Variants in SCAPER observed in about 807,000 individuals in gnomAD.
The protein encoded by SCAPER is S-phase cyclin A associated protein in the ER.
In SCAPER, 98 loss-of-function variants were observed where a neutral mutation model predicts 182.2. The ratio of observed to expected loss-of-function variants is 0.54; its 90% CI spans 0.46 to 0.64. The LOEUF (loss-of-function observed/expected upper bound fraction) is 0.64, where lower values mean the gene tolerates loss of function less well. Ranked by LOEUF, SCAPER falls within the 30% of genes least tolerant of loss-of-function variation. SCAPER has a pLI of 0.00. For synonymous variants in SCAPER, 605 were observed against 564.6 expected, an observed-to-expected ratio of 1.07 and a Z score of -1.01; for missense variants, 1,432 against 1,690.0, an observed-to-expected ratio of 0.85 and a Z score of 2.68.
chr15:76,422,179 G>A (rs2142356809), intron 26 of SCAPER, among the ~76,000 whole-genome samples: 1 of 152,138 alleles, frequency 6.6e-6, no homozygotes, highest in East Asian at 1.9e-4. Context: ...GCTTGATGGG[G>A]ATGGCATTGA....
chr15:76,782,126 T>C (rs1013827293), intron 8 of SCAPER, among the ~76,000 whole-genome samples: 7 of 152,118 alleles, frequency 4.6e-5, no homozygotes, highest in Admixed American at 1.3e-4. Flanking sequence ...ATCAGTGTGC[T>C]GTATGCAGGA....
intron 20 of SCAPER, among the ~76,000 whole-genome samples, chr15:76,701,114 A>C (rs922194239): frequency 1.3e-5 from 2 of 151,064 alleles, no homozygotes; most frequent in Admixed American, 1.3e-4. Flanking sequence ...AAAAAAGTTC[A>C]ATATACACAT....
intron 15 of SCAPER, among the ~76,000 whole-genome samples, chr15:76,742,288 T>C (rs1329405995): frequency 6.6e-6 from 1 of 151,558 alleles, no homozygotes; most frequent in Non-Finnish European, 1.5e-5. Context: ...TTTGGGGATT[T>C]ACAAAAGTAC....
chr15:76,414,356 T>C (rs2045506810), intron 26 of SCAPER, among the ~76,000 whole-genome samples: 1 of 151,974 alleles, frequency 6.6e-6, no homozygotes, highest in Non-Finnish European at 1.5e-5. Flanking sequence ...ACCGTTCAAA[T>C]AGCTCAGAAA....
At chr15:76,522,029 G>A (rs2042874677) in intron 23 of SCAPER, among the ~76,000 whole-genome samples, 1 of 152,064 alleles carries the variant, frequency 6.6e-6, no homozygotes, top group African/African-American at 2.4e-5. Flanking sequence ...AGAATGCTTT[G>A]TGCCCGCAAG....
At chr15:76,470,245 C>T (rs755392111) in intron 25 of SCAPER, among the ~76,000 whole-genome samples, 1 of 152,120 alleles carries the variant, frequency 6.6e-6, no homozygotes, top group Non-Finnish European at 1.5e-5. Context: ...TTCCTGTCCT[C>T]ATCGATTTTA....
At chr15:76,766,255 C>T (rs769650193) in intron 11 of SCAPER, among the ~76,000 whole-genome samples, 7 of 152,196 alleles carry the variant, frequency 4.6e-5, no homozygotes, top group Admixed American at 3.3e-4. Flanking sequence ...TGCCACCACG[C>T]CCAGCTAATT....
At chr15:76,795,510 T>C in intron 7 of SCAPER, 70 bp from the exon 8 acceptor site, 1 of 1,210,450 alleles carries the variant, frequency 8.3e-7, no homozygotes, top group Non-Finnish European at 1.1e-6. Context: ...ATGCTAAATG[T>C]ATTTAAAATT....
intron 16 of SCAPER, among the ~76,000 whole-genome samples, chr15:76,731,253 A>G (rs1324387236): frequency 6.6e-6 from 1 of 152,218 alleles, no homozygotes; most frequent in East Asian, 1.9e-4. Flanking sequence ...AGACCCCTTC[A>G]TATCTCAGCC....
chr15:76,636,503 G>A (rs1490514562), intron 21 of SCAPER, among the ~76,000 whole-genome samples: 2 of 150,542 alleles, frequency 1.3e-5, no homozygotes, highest in East Asian at 3.9e-4. Context: ...AGCCCTAGGA[G>A]AATTCTGAGT....
chr15:76,835,794 TAGTCTCTGTCC>T (rs2068888273), intron 5 of SCAPER, among the ~76,000 whole-genome samples: 1 of 152,040 alleles, frequency 6.6e-6, no homozygotes, highest in African/African-American at 2.4e-5. Flanking sequence ...GAAAACCTTA[TAGTCTCTGTCC>T]AAAGGCTCCC....
intron 8 of SCAPER, among the ~76,000 whole-genome samples, chr15:76,777,456 T>C (rs188398044): frequency 1.1e-4 from 16 of 152,228 alleles, no homozygotes; most frequent in African/African-American, 3.6e-4. Context: ...CCCAGCACTT[T>C]AGGAGGCCAA....
intron 8 of SCAPER, among the ~76,000 whole-genome samples, chr15:76,778,460 T>C (rs1372712168): frequency 6.6e-6 from 1 of 151,986 alleles, no homozygotes; most frequent in African/African-American, 2.4e-5. Context: ...TCAAAAAAAC[T>C]TTCAAGTACC....
chr15:76,878,706 T>C (rs1297947853), intron 2 of SCAPER, among the ~76,000 whole-genome samples: 1 of 152,020 alleles, frequency 6.6e-6, no homozygotes, highest in Non-Finnish European at 1.5e-5. Flanking sequence ...GGCAGGAGGA[T>C]TATTTGAGCT....
At chr15:76,452,562 A>G (rs2048442121) in intron 25 of SCAPER, among the ~76,000 whole-genome samples, 1 of 152,234 alleles carries the variant, frequency 6.6e-6, no homozygotes, top group Non-Finnish European at 1.5e-5. Flanking sequence ...ACAGTCTACT[A>G]TGAAAGCTTC....
At chr15:76,374,365 G>A (rs1387860005) in intron 29 of SCAPER, among the ~76,000 whole-genome samples, 8 of 151,938 alleles carry the variant, frequency 5.3e-5, no homozygotes, top group African/African-American at 1.7e-4. Context: ...TCTAGCCTGG[G>A]TGACAGAGCA....
intron 23 of SCAPER, among the ~76,000 whole-genome samples, chr15:76,563,107 T>C (rs2046770281): frequency 6.6e-6 from 1 of 152,104 alleles, no homozygotes; most frequent in South Asian, 2.1e-4. Context: ...TAATAGTTTA[T>C]CATAAAATGC....
intron 14 of SCAPER, among the ~76,000 whole-genome samples, chr15:76,762,134 T>A (rs2062825112): frequency 6.6e-6 from 1 of 152,180 alleles, no homozygotes; most frequent in Non-Finnish European, 1.5e-5. Flanking sequence ...AATAAGATAT[T>A]CCTTCGTGTT....
chr15:76,447,004 C>T (rs4886804), intron 25 of SCAPER, among the ~76,000 whole-genome samples: 20,808 of 152,150 alleles, frequency 0.14, 2,095 homozygotes, highest in East Asian at 0.46. Flanking sequence ...CAACTATAAG[C>T]TAATGTCAGT....
Sources: allele counts gnomAD v4.1 joint callset (sites outside exome capture counted in the v4.1 genomes callset), GRCh38; gene constraint gnomAD v4.1.1; transcripts MANE v1.5; gene names NCBI Gene and HGNC (gene_info 2026-07-23, HGNC 2026-07-21).